PBRM1: variants seen among roughly 807,000 people sequenced by gnomAD.
The protein encoded by PBRM1 is polybromo 1.
In PBRM1, 27 loss-of-function variants were observed where a neutral mutation model predicts 194.5. The observed-to-expected ratio is 0.14, with a 90% CI of 0.10 to 0.19. PBRM1 has a LOEUF of 0.19. Ranked by LOEUF, PBRM1 falls within the 10% of genes least tolerant of loss-of-function variation. The pLI is 1.00. For synonymous variants in PBRM1, 655 were observed against 693.2 expected (o/e 0.94, Z 0.87); for missense variants, 1,466 against 2,077.2 (o/e 0.71, Z 5.72).
intron 2 of PBRM1, among the ~76,000 whole-genome samples, chr3:52,676,910 C>A (rs1015213778): frequency 1.3e-5 from 2 of 152,126 alleles, no homozygotes; most frequent in South Asian, 2.1e-4. Context: ...GCATTTCGCC[C>A]CTGCTCTAGA....
At chr3:52,631,222 G>A (rs544778732) in intron 11 of PBRM1, among the ~76,000 whole-genome samples, 8 of 151,886 alleles carry the variant, frequency 5.3e-5, no homozygotes, top group Admixed American at 1.3e-4. Context: ...TGTAATCCCA[G>A]CACTTTGGGA....
At chr3:52,584,277 C>G (rs2091966082) in intron 20 of PBRM1, among the ~76,000 whole-genome samples, 1 of 151,884 alleles carries the variant, frequency 6.6e-6, no homozygotes, top group African/African-American at 2.4e-5. Context: ...TAAGATTTTT[C>G]TAACAGTTGC....
At chr3:52,573,366 T>C (rs1234095060) in intron 22 of PBRM1, among the ~76,000 whole-genome samples, 6 of 152,162 alleles carry the variant, frequency 3.9e-5, no homozygotes, top group Admixed American at 1.3e-4. Flanking sequence ...TGATCTCAGC[T>C]CACTGCAACC....
chr3:52,552,515 A>C (rs1276670438), intron 27 of PBRM1, among the ~76,000 whole-genome samples: 5 of 152,166 alleles, frequency 3.3e-5, no homozygotes, highest in Admixed American at 2.6e-4. Context: ...CTGAGCTCAA[A>C]GCAATCCTCC....
At chr3:52,574,660 A>C (rs748989205) in intron 22 of PBRM1, among the ~76,000 whole-genome samples, 4 of 152,198 alleles carry the variant, frequency 2.6e-5, no homozygotes, top group African/African-American at 7.2e-5. Context: ...GAAGGCCCTA[A>C]GATCTCATTT....
intron 22 of PBRM1, among the ~76,000 whole-genome samples, chr3:52,572,581 G>A (rs1237713290): frequency 4.6e-5 from 7 of 152,102 alleles, no homozygotes; most frequent in Non-Finnish European, 1.0e-4. Context: ...TTACCATGTT[G>A]GCCAGGCTGG....
intron 17 of PBRM1, among the ~76,000 whole-genome samples, chr3:52,596,809 C>T (rs948876615): frequency 9.2e-5 from 14 of 152,102 alleles, no homozygotes; most frequent in South Asian, 2.1e-4. Context: ...GGAGGGGTGG[C>T]GCAAGTACTC....
At chr3:52,583,660 C>A (rs993153933) in intron 20 of PBRM1, among the ~76,000 whole-genome samples, 2 of 151,902 alleles carry the variant, frequency 1.3e-5, no homozygotes, top group African/African-American at 4.8e-5. Context: ...AAACAGTAAC[C>A]CTAGACTGTT....
exon 24 of PBRM1, chr3:52,563,443 A>C: frequency 6.2e-7 from 1 of 1,614,016 alleles, no homozygotes; most frequent in Non-Finnish European, 8.5e-7. Context: ...TAGCAACTGG[A>C]TCTTCTTTTC....
chr3:52,610,882 T>C (rs927439678), intron 15 of PBRM1, among the ~76,000 whole-genome samples: 1 of 152,084 alleles, frequency 6.6e-6, no homozygotes, highest in Non-Finnish European at 1.5e-5. Flanking sequence ...GAGGTTGCAG[T>C]GAGCTGAGAT....
intron 5 of PBRM1, among the ~76,000 whole-genome samples, chr3:52,654,346 C>G (rs954087131): frequency 2.6e-5 from 4 of 152,180 alleles, no homozygotes; most frequent in Admixed American, 1.3e-4. Flanking sequence ...ATTGCTGCCC[C>G]TTCTCTTCAC....
At chr3:52,619,448 T>A (rs1004529951) in intron 13 of PBRM1, among the ~76,000 whole-genome samples, 1 of 152,234 alleles carries the variant, frequency 6.6e-6, no homozygotes, top group African/African-American at 2.4e-5. Context: ...CTGTATTGCT[T>A]AGGACATGAC....
chr3:52,641,446 CA>C (rs386396638), intron 10 of PBRM1, among the ~76,000 whole-genome samples: 5,888 of 69,588 alleles, frequency 0.085, 56 homozygotes, highest in Non-Finnish European at 0.11. Context: ...GACTCCATCT[CA>C]AAAAAAAAAA....
intron 24 of PBRM1, among the ~76,000 whole-genome samples, chr3:52,562,744 T>G (rs537248379): frequency 1.3e-5 from 2 of 152,178 alleles, no homozygotes; most frequent in South Asian, 4.1e-4. Context: ...TCTCACTATG[T>G]TGCCCAATGT....
At chr3:52,567,113 T>C (rs1384561202) in intron 22 of PBRM1, among the ~76,000 whole-genome samples, 2 of 148,788 alleles carry the variant, frequency 1.3e-5, no homozygotes, top group African/African-American at 2.5e-5. Context: ...CTATGACATA[T>C]ATATAAAACA....
intron 5 of PBRM1, among the ~76,000 whole-genome samples, chr3:52,652,993 G>A (rs1202454648): frequency 5.3e-5 from 8 of 151,960 alleles, no homozygotes; most frequent in African/African-American, 1.7e-4. Flanking sequence ...GCAAGATTCC[G>A]TCTCAAAAAA....
At chr3:52,563,834 T>C (rs2084319426) in intron 23 of PBRM1, among the ~76,000 whole-genome samples, 1 of 151,748 alleles carries the variant, frequency 6.6e-6, no homozygotes, top group Non-Finnish European at 1.5e-5. Flanking sequence ...ATTCCACAAT[T>C]ATTGGAGTCT....
At chr3:52,598,843 G>A (rs530366200) in intron 17 of PBRM1, among the ~76,000 whole-genome samples, 1 of 152,058 alleles carries the variant, frequency 6.6e-6, no homozygotes, top group Non-Finnish European at 1.5e-5. Context: ...CCAACATGGT[G>A]AAGCCCCGTC....
chr3:52,554,733 G>A (rs2153429040), exon 27 of PBRM1: 1 of 1,552,736 alleles, frequency 6.4e-7, no homozygotes, highest in African/African-American at 1.4e-5. Flanking sequence ...CCCGGTGGTG[G>A]GATGCCCGGG....
Sources: gnomAD v4.1 joint callset for allele counts (sites outside exome capture counted in the v4.1 genomes callset) on GRCh38, gnomAD v4.1.1 for gene constraint, MANE v1.5 for transcripts, NCBI Gene and HGNC (gene_info 2026-07-23, HGNC 2026-07-21) for gene names.